The following SMARCA2 variants were observed in gnomAD, a reference collection of about 807,000 sequenced individuals.
SMARCA2 encodes the protein SWI/SNF related BAF chromatin remodeling complex subunit ATPase 2, also known as SWI/SNF-related matrix-associated actin-dependent regulator of chromatin subfamily A member 2.
SMARCA2 carries 61 observed loss-of-function variants against 199.8 expected under a neutral mutation model. That is an observed-to-expected ratio of 0.31 (90% CI 0.25 to 0.38). SMARCA2 has a LOEUF of 0.38. SMARCA2 is among the 10% of genes least tolerant of loss of function. The pLI, the probability that SMARCA2 is intolerant of heterozygous loss-of-function variation, is 1.00. For missense variants in SMARCA2, 1,344 were observed against 2,012.2 expected (o/e 0.67, Z 6.35); for synonymous variants, 935 against 732.0 (o/e 1.28, Z -4.48).
chr9:2,097,504 G>T, intron 21 of SMARCA2, 33 bp downstream of exon 21: 1 of 1,291,788 alleles, frequency 7.7e-7, no homozygotes, highest in Non-Finnish European at 1.1e-6. Context: ...GAGCCTGATT[G>T]TGCTAATCAT....
In SMARCA2 at chr9:2,110,765, C is replaced by A. The variant is rs1962294; in HGVS notation, c.3456+348C>A. 0.064 allele frequency among the ~76,000 whole-genome samples: 9,768 copies of A among 152,208 alleles called. 597 individuals are homozygous for A. Among genetic ancestry groups the A allele is most frequent in the East Asian group, 0.34 (1,748 of 5,176 alleles). On this transcript the variant is annotated intron_variant, in intron 24 of 33. Coordinates refer to ENST00000349721, the MANE Select transcript of SMARCA2 (RefSeq NM_003070.5). This position sits in a 1 kb window ranked among gnomAD's most constrained non-coding sequence, Gnocchi z 4.8. ...ACAATAGCAACCATCATTCATGGGA[C>A]CCTTAATCTGTGTCAGCCTCTTGGG...
chr9:2,160,628 C>G lies in SMARCA2; in HGVS notation c.3982-1058C>G, dbSNP rs762824376. ...GCTGTGGAGAAATGAAGGTAATTGC[C>G]TTATGATTAGAGCTCTTTCAGCTAC... On this transcript the variant is annotated intron_variant, in intron 27 of 33. Transcript: ENST00000349721. 3 of 701,860 alleles carry G rather than the reference C, an allele frequency of 4.3e-6. No individual in the cohort carries two copies. In the South Asian group the frequency reaches 4.4e-5, roughly 10 times the overall value. The allele number at this position is 701,860 out of a possible 1,614,324, so 43.5% of individuals were successfully genotyped here.
intron 25 of SMARCA2, among the ~76,000 whole-genome samples, chr9:2,116,273 G>C (rs941011753): frequency 6.6e-6 from 1 of 152,206 alleles, no homozygotes; most frequent in Non-Finnish European, 1.5e-5. Context: ...GCCTGTGGGT[G>C]CTCCCTCCTT....
intron 12 of SMARCA2, chr9:2,075,244 G>T (rs922684439): frequency 4.6e-5 from 7 of 152,604 alleles, no homozygotes; most frequent in Admixed American, 1.3e-4. Flanking sequence ...GCTTCTAAAT[G>T]ATCTGCTATC....
chr9:2,191,059 A>G (rs188243938), intron 32 of SMARCA2, among the ~76,000 whole-genome samples: 3 of 152,226 alleles, frequency 2.0e-5, no homozygotes, highest in African/African-American at 7.2e-5. Flanking sequence ...TAGCGTGACT[A>G]CATCATTTAT....
rs752428364 is a variant in SMARCA2, at chr9:2,033,003, T to A, written c.277T>A (p.Ser93Thr). 1 of 1,614,044 alleles carries A rather than the reference T, an allele frequency of 6.2e-7. No individual in the cohort carries two copies. The highest frequency in any genetic ancestry group is 2.2e-5 in the East Asian group (1 of 44,880). ...KGIVEDIHCG[S>T]MKGTGMRPPH... ...GATTGTAGAAGACATCCATTGTGGA[T>A]CCATGAAGGGCACTGGTATGCGACC... Residue 93 changes from serine to threonine, a missense_variant, in exon 3 of 34, where the codon TCC becomes ACC. Ser to Thr is a moderately conservative substitution (Grantham distance 58). This residue lies in a region of SMARCA2 where 275 missense variants were observed against 247.5 expected (regional missense o/e 1.11). Coordinates refer to ENST00000349721, the MANE Select transcript of SMARCA2 (RefSeq NM_003070.5).
intron 5 of SMARCA2, among the ~76,000 whole-genome samples, chr9:2,053,170 T>A (rs1820201850): frequency 6.6e-6 from 1 of 152,170 alleles, no homozygotes; most frequent in Non-Finnish European, 1.5e-5. Flanking sequence ...GTTGCCATCT[T>A]TATGTCCATG....
intron 1 of SMARCA2, among the ~76,000 whole-genome samples, chr9:2,024,156 A>G (rs1802654376): frequency 6.6e-6 from 1 of 152,182 alleles, no homozygotes; most frequent in Admixed American, 6.5e-5. Flanking sequence ...GTGCTGCCCC[A>G]AACTCTGCGA....
chr9:2,151,340 A>G (rs1825065581), intron 27 of SMARCA2, among the ~76,000 whole-genome samples: 2 of 151,630 alleles, frequency 1.3e-5, no homozygotes, highest in Non-Finnish European at 3.0e-5. Context: ...AACAGGTAGT[A>G]GTAATGAAGG....
chr9:2,077,620 C>G lies in SMARCA2; in HGVS notation c.2037-9C>G, dbSNP rs554068775. The G allele has an allele frequency of 1.2e-6, 2 of 1,610,724 alleles. No homozygotes were observed. Among genetic ancestry groups the G allele is most frequent in the Admixed American group, 1.7e-5 (1 of 59,502 alleles). ...TCTGTGTGTGATTCTCCACTTTTTC[C>G]TTTCCCAGGACAGCTAAGCAAGACG... On this transcript the variant is annotated splice_polypyrimidine_tract_variant and intron_variant, in intron 13 of 33. Coordinates refer to ENST00000349721, the MANE Select transcript of SMARCA2 (RefSeq NM_003070.5).
rs1823352965 is a variant in SMARCA2, at chr9:2,119,398, A to G, written c.3685-60A>G. On this transcript the variant is annotated intron_variant, in intron 25 of 33. Transcript: ENST00000349721. This position sits in a 1 kb window ranked among gnomAD's most constrained non-coding sequence, Gnocchi z 4.6. ...CTCTGGTCTGGAGGACAGATCACTT[A>G]CTTGTTTGTACCTTGCCCCAGCTGT... The G allele has an allele frequency of 9.1e-7, 1 of 1,098,668 alleles. No individual in the cohort carries two copies. The highest frequency in any genetic ancestry group is 2.4e-5 in the East Asian group (1 of 42,314). 68.1% of individuals were successfully genotyped at this position (1,098,668 alleles called of 1,614,324 possible).
At chr9:2,023,657 C>T (rs777114822) in intron 1 of SMARCA2, among the ~76,000 whole-genome samples, 2 of 152,162 alleles carry the variant, frequency 1.3e-5, no homozygotes, top group Non-Finnish European at 2.9e-5. Context: ...ACAACCTTGG[C>T]CTGTAAAAAG....
intron 13 of SMARCA2, 45 bp downstream of exon 13, chr9:2,076,374 A>T (rs1173125669): frequency 8.5e-7 from 1 of 1,169,724 alleles, no homozygotes; most frequent in East Asian, 2.3e-5. Context: ...CATGAGGATG[A>T]TGCTTAATGA....
intron 14 of SMARCA2, chr9:2,079,766 C>G (rs1360423877): frequency 3.3e-5 from 5 of 152,172 alleles, no homozygotes; most frequent in Non-Finnish European, 5.9e-5. Flanking sequence ...TCATAGCATG[C>G]TCTAATAAAC....
Position 2,157,828 on chromosome 9 carries a change from T to C in SMARCA2, c.3982-3858T>C, listed in dbSNP as rs1825446215. The C allele has an allele frequency of 1.3e-5, 5 of 398,388 alleles. No homozygotes were observed. In the East Asian group the frequency reaches 1.8e-4, roughly 14 times the overall value. 24.7% of individuals were successfully genotyped at this position (398,388 alleles called of 1,614,324 possible). A position where few individuals can be genotyped will look rare whatever the true frequency, so the allele number is the denominator to read the frequency against. On this transcript the variant is annotated intron_variant, in intron 27 of 33. Transcript: ENST00000349721. ...AACAGCAATTCTTTACACCACCGGG[T>C]TGAGAAGAAGGCGCCTGAGGCTGAC...
At position 2,170,296 on chromosome 9, in the gene SMARCA2, C is replaced by T. The variant is rs1419243321; in HGVS notation, c.4200-123C>T. The T allele has an allele frequency of 3.3e-6, 4 of 1,218,504 alleles. No homozygotes were observed. Among genetic ancestry groups the T allele is most frequent in the African/African-American group, 1.5e-5 (1 of 65,656 alleles). The allele number at this position is 1,218,504 out of a possible 1,614,324, so 75.5% of individuals were successfully genotyped here. A position where few individuals can be genotyped will look rare whatever the true frequency, so the allele number is the denominator to read the frequency against. ...CCAAACATAACCCCGTGTAATCTTC[C>T]TAACAAGGCAGGTTGGTGAGGAGAC... is the stretch of plus-strand genomic sequence containing the variant. On this transcript the variant is annotated intron_variant, in intron 28 of 33. Transcript: ENST00000349721. This position sits in a 1 kb window ranked among gnomAD's most constrained non-coding sequence, Gnocchi z 4.7.
intron 27 of SMARCA2, among the ~76,000 whole-genome samples, chr9:2,137,399 G>A (rs1218197652): frequency 1.3e-5 from 2 of 152,070 alleles, no homozygotes; most frequent in Non-Finnish European, 2.9e-5. Flanking sequence ...CAATCACCAG[G>A]CCTTTGCCTG....
chr9:2,098,919 C>T (rs1822386887), intron 21 of SMARCA2, among the ~76,000 whole-genome samples: 1 of 151,266 alleles, frequency 6.6e-6, no homozygotes, highest in African/African-American at 2.4e-5. Context: ...TGTACTCCAG[C>T]CTGAGTGACA....
At chr9:2,064,867 G>T (rs1820758592) in intron 9 of SMARCA2, among the ~76,000 whole-genome samples, 1 of 152,204 alleles carries the variant, frequency 6.6e-6, no homozygotes, top group Admixed American at 6.5e-5. Context: ...CCCATACCAG[G>T]AGCAGCCCTG....
Sources: gnomAD v4.1 joint callset for allele counts (sites outside exome capture counted in the v4.1 genomes callset) on GRCh38, gnomAD v4.1.1 for gene constraint, gnomAD v4.1.1 regional missense constraint, Gnocchi (gnomAD v3.1) non-coding constraint, MANE v1.5 for transcripts, NCBI Gene and HGNC (gene_info 2026-07-23, HGNC 2026-07-21) for gene names.